The following STAM variants were observed in gnomAD, a reference collection of about 807,000 sequenced individuals.
The protein encoded by STAM is signal transducing adaptor molecule, also known as signal transducing adapter molecule 1.
In STAM, 16 loss-of-function variants were observed where a neutral mutation model predicts 63.4. The ratio of observed to expected loss-of-function variants is 0.25; its 90% CI spans 0.17 to 0.38. STAM has a LOEUF of 0.38. Among genes scored for constraint, STAM ranks in the 10% least tolerant of loss-of-function variants. The probability of loss-of-function intolerance (pLI) is 1.00; values close to 1 mark genes in which losing one functional copy is unlikely to be tolerated. For synonymous variants in STAM, 238 were observed against 223.9 expected (o/e 1.06, Z -0.56); for missense variants, 636 against 657.1 (o/e 0.97, Z 0.35).
chr10:17,656,495 T>G (rs192987822), intron 1 of STAM, among the ~76,000 whole-genome samples: 5 of 152,208 alleles, frequency 3.3e-5, no homozygotes, highest in Admixed American at 3.3e-4. Context: ...TATTACTGTC[T>G]TTAGGTCTTT....
rs868915647 is a variant in STAM at position 17,646,163 on chromosome 10, A to G, written c.40+1784A>G. 7.2e-5 allele frequency among the ~76,000 whole-genome samples: 11 copies of G among 152,288 alleles called. No homozygotes were observed. In the South Asian group the frequency reaches 1.0e-3, roughly 14 times the overall value. ...GAATCCAACTTGTTACACCTGAGTC[A>G]TTTCCTGATTACTGTAGCAAAGGGT... is the stretch of plus-strand genomic sequence containing the variant. On this transcript the variant is annotated intron_variant, in intron 1 of 13. Transcript: ENST00000377524.
intron 7 of STAM, chr10:17,695,644 T>G (rs1436044829): frequency 1.9e-5 from 3 of 154,516 alleles, no homozygotes; most frequent in African/African-American, 7.2e-5. Context: ...AACAAATTTA[T>G]TTTGTATGGA....
chr10:17,688,622 C>G (rs1000619718), intron 5 of STAM, among the ~76,000 whole-genome samples: 1 of 151,122 alleles, frequency 6.6e-6, no homozygotes, highest in Admixed American at 6.6e-5. Context: ...GCAGCCAGAC[C>G]TGGAAATTTT....
chr10:17,712,322 G>A (rs1465775706), intron 13 of STAM, among the ~76,000 whole-genome samples: 2 of 152,086 alleles, frequency 1.3e-5, no homozygotes, highest in Admixed American at 6.6e-5. Flanking sequence ...AGAACCCAGC[G>A]CATAGACTCT....
At chr10:17,685,843 G>T (rs1554826020) in intron 4 of STAM, among the ~76,000 whole-genome samples, 1 of 152,138 alleles carries the variant, frequency 6.6e-6, no homozygotes, top group African/African-American at 2.4e-5. Flanking sequence ...CACAGTTCAA[G>T]AAATTTTTCA....
Position 17,714,927 on chromosome 10 carries a change from T to G in STAM, c.*147T>G. On this transcript the variant is annotated 3_prime_UTR_variant, in exon 14 of 14. Transcript: ENST00000377524. ...TCAAATATTCAAGAAGGTAGAACTCTCCTCAATTTACACTGACTTTTTAGA... is the reference window on the plus strand; with the variant it reads ...TCAAATATTCAAGAAGGTAGAACTCGCCTCAATTTACACTGACTTTTTAGA... 2.6e-6 allele frequency: 2 copies of G among 774,182 alleles called. No individual in the cohort carries two copies. Among genetic ancestry groups the G allele is most frequent in the South Asian group, 1.7e-5 (1 of 58,968 alleles). The allele number at this position is 774,182 out of a possible 1,614,324, so 48.0% of individuals were successfully genotyped here.
chr10:17,670,616 A>G (rs1227018576), intron 2 of STAM, among the ~76,000 whole-genome samples: 1 of 152,212 alleles, frequency 6.6e-6, no homozygotes, highest in Non-Finnish European at 1.5e-5. Context: ...AGAAAACTCA[A>G]AATATCATCG....
chr10:17,649,321 A>G (rs1833645051), intron 1 of STAM, among the ~76,000 whole-genome samples: 1 of 151,116 alleles, frequency 6.6e-6, no homozygotes, highest in African/African-American at 2.4e-5. Flanking sequence ...GGATTGGTTG[A>G]GCCTGGGAGG....
chr10:17,684,540 G>T (rs1554825847), intron 2 of STAM, 135 bp from the exon 3 acceptor site: 1 of 584,372 alleles, frequency 1.7e-6, no homozygotes, highest in Non-Finnish European at 2.8e-6. Context: ...TTTCAACCGT[G>T]TTATTAATAA....
chr10:17,660,950 A>G (rs765510077), intron 2 of STAM, among the ~76,000 whole-genome samples: 25 of 151,878 alleles, frequency 1.6e-4, no homozygotes, highest in Non-Finnish European at 1.6e-4. Context: ...CTGGAATCTC[A>G]TTTTTTCCAC....
chr10:17,669,965 C>T (rs1463946276), intron 2 of STAM, among the ~76,000 whole-genome samples: 1 of 144,748 alleles, frequency 6.9e-6, no homozygotes, highest in Admixed American at 7.3e-5. Context: ...CTCCTGACTT[C>T]GTGATCCGCC....
At chr10:17,701,445 C>T (rs1453837361) in intron 9 of STAM, among the ~76,000 whole-genome samples, 1 of 152,028 alleles carries the variant, frequency 6.6e-6, no homozygotes, top group Non-Finnish European at 1.5e-5. Flanking sequence ...ACTCTTAGGC[C>T]AAATTTAGCC....
chr10:17,706,369 C>CCTT lies in STAM; in HGVS notation c.1209+628_1209+629insCTT, dbSNP rs1564570967. Among the ~76,000 whole-genome samples, 2 of 70,184 alleles carry CCTT rather than the reference C, an allele frequency of 2.8e-5. 1 individual carries two copies. The highest frequency in any genetic ancestry group is 1.2e-4 in the African/African-American group (2 of 16,014). The allele number at this position is 70,184 out of a possible 152,430, so 46.0% of individuals were successfully genotyped here. On this transcript the variant is annotated intron_variant, in intron 12 of 13. Coordinates refer to ENST00000377524, the MANE Select transcript of STAM (RefSeq NM_003473.4). The stretch of plus-strand genomic sequence containing the variant: ...AATCAGAATCCTCAGGGTTGAGGCC[C>CCTT]TTTTTTTTTTTTTTTTTTTTTTTTT...
At chr10:17,694,940 A>T in intron 6 of STAM, 109 bp from the exon 7 acceptor site, 1 of 999,266 alleles carries the variant, frequency 1.0e-6, no homozygotes, top group Non-Finnish European at 1.4e-6. Flanking sequence ...TCTAGTTTCT[A>T]ACTATACTAT....
rs748066951 is a variant in STAM at position 17,716,360 on chromosome 10, A to C, written c.*1580A>C. On this transcript the variant is annotated 3_prime_UTR_variant, in exon 14 of 14. Coordinates refer to ENST00000377524, the MANE Select transcript of STAM (RefSeq NM_003473.4). Reference sequence around the variant, plus strand: ...CAGATTTAAAGCACCGTAGTTTTAAATCTGAGCCTGTGAAATTAGTCACCT... The same window carrying C: ...CAGATTTAAAGCACCGTAGTTTTAACTCTGAGCCTGTGAAATTAGTCACCT... Among the ~76,000 whole-genome samples, 85 of 149,390 alleles carry C rather than the reference A, an allele frequency of 5.7e-4. No individual in the cohort carries two copies. The highest frequency in any genetic ancestry group is 9.5e-4 in the Non-Finnish European group (64 of 67,218).
chr10:17,703,212 C>A (rs1836095089), intron 9 of STAM, among the ~76,000 whole-genome samples: 1 of 151,584 alleles, frequency 6.6e-6, no homozygotes. Context: ...GTGTGGTAGG[C>A]AAACTTTCTT....
chr10:17,673,452 T>C (rs1216204387), intron 2 of STAM, among the ~76,000 whole-genome samples: 9 of 152,338 alleles, frequency 5.9e-5, no homozygotes, highest in Admixed American at 5.9e-4. Context: ...GGCACAATTC[T>C]AGGCCCCATT....
At chr10:17,663,211 C>A (rs1181416821) in intron 2 of STAM, among the ~76,000 whole-genome samples, 1 of 151,974 alleles carries the variant, frequency 6.6e-6, no homozygotes, top group Non-Finnish European at 1.5e-5. Context: ...CGTTATTCTC[C>A]CAGAAATGTT....
chr10:17,644,224 C>A lies in STAM; in HGVS notation c.-116C>A. 1 of 1,137,472 alleles carries A rather than the reference C, an allele frequency of 8.8e-7. No homozygotes were observed. 70.5% of individuals were successfully genotyped at this position (1,137,472 alleles called of 1,614,324 possible). On this transcript the variant is annotated 5_prime_UTR_variant, in exon 1 of 14. The change creates a new upstream start codon in the 5' untranslated region. Coordinates refer to ENST00000377524, the MANE Select transcript of STAM (RefSeq NM_003473.4). ...GTGAGAGGAGGAGCTGTCGCGGACC[C>A]TGTAGAGTCGGTCTCTGTTGCTCTT... is the stretch of plus-strand genomic sequence containing the variant.
Sources: allele counts gnomAD v4.1 joint callset (sites outside exome capture counted in the v4.1 genomes callset), GRCh38; gene constraint gnomAD v4.1.1; transcripts MANE v1.5; gene names NCBI Gene and HGNC (gene_info 2026-07-23, HGNC 2026-07-21).